Variants in ADCY9 observed in about 807,000 individuals in gnomAD.
ADCY9 encodes the protein adenylate cyclase type 9.
In ADCY9, 50 loss-of-function variants were observed where a neutral mutation model predicts 101.5. The ratio of observed to expected loss-of-function variants is 0.49; its 90% CI spans 0.39 to 0.62. ADCY9 has a LOEUF of 0.62. Ranked by LOEUF, ADCY9 falls within the 20% of genes least tolerant of loss-of-function variation. The probability of loss-of-function intolerance (pLI) is 0.00; values close to 1 mark genes in which losing one functional copy is unlikely to be tolerated. For missense variants in ADCY9, 1,662 were observed against 1,800.4 expected (o/e 0.92, Z 1.39); for synonymous variants, 905 against 769.3 (o/e 1.18, Z -2.92).
In ADCY9 at chr16:3,965,973, C is replaced by T; in HGVS notation, c.3864G>A (p.Val1288=). Residue 1288 remains valine, a synonymous_variant, in exon 11 of 11, where the codon GTG becomes GTA. Transcript: ENST00000294016. The part of the protein sequence containing the change: ...IANLVPSVQY[V]DKTSLGSDSS... ...TGTCAGAACCCAGAGATGTCTTGTCCACATACTGGACAGAAGGCACCAGGT... is the reference window on the plus strand; with the variant it reads ...TGTCAGAACCCAGAGATGTCTTGTCTACATACTGGACAGAAGGCACCAGGT... 6.2e-7 allele frequency: 1 copy of T among 1,614,192 alleles called. No homozygotes were observed. The highest frequency in any genetic ancestry group is 1.1e-5 in the South Asian group (1 of 91,086).
chr16:3,980,610 C>T (rs548002144), intron 7 of ADCY9, among the ~76,000 whole-genome samples: 55 of 152,326 alleles, frequency 3.6e-4, no homozygotes, highest in African/African-American at 1.2e-3. Context: ...CTCTTGGCTG[C>T]GTGGTGTGGC....
In ADCY9 at chr16:4,004,369, C is replaced by A. The variant is rs990337243; in HGVS notation, c.1884+2999G>T. The stretch of plus-strand genomic sequence containing the variant: ...ACATCACTATCATTTCCTGGTAGGT[C>A]GTTACAGTACACAGGTTATGTTACA... On this transcript the variant is annotated intron_variant, in intron 3 of 10. Coordinates refer to ENST00000294016, the MANE Select transcript of ADCY9 (RefSeq NM_001116.4). Among the ~76,000 whole-genome samples the A allele has an allele frequency of 4.0e-5, 6 of 151,538 alleles. No individual in the cohort carries two copies. In the South Asian group the frequency reaches 1.0e-3, roughly 26 times the overall value.
chr16:4,000,491 G>A (rs1291993774), intron 3 of ADCY9, among the ~76,000 whole-genome samples: 6 of 152,194 alleles, frequency 3.9e-5, no homozygotes, highest in Admixed American at 3.9e-4. Context: ...GAGTATTTCT[G>A]CTAATGCAAC....
intron 2 of ADCY9, among the ~76,000 whole-genome samples, chr16:4,087,543 TAAAAAAAAA>T (rs55706713): frequency 2.5e-5 from 3 of 118,194 alleles, no homozygotes; most frequent in African/African-American, 9.7e-5. Context: ...CTCAAAAAGA[TAAAAAAAAA>T]AAAAAAAAAA....
At chr16:4,074,222 G>T (rs940980903) in intron 2 of ADCY9, among the ~76,000 whole-genome samples, 1 of 151,960 alleles carries the variant, frequency 6.6e-6, no homozygotes, top group East Asian at 1.9e-4. Context: ...GGTTCTCATA[G>T]AACCTTGTAG....
At chr16:3,987,382 T>A (rs376688625) in intron 6 of ADCY9, among the ~76,000 whole-genome samples, 1 of 152,328 alleles carries the variant, frequency 6.6e-6, no homozygotes, top group South Asian at 2.1e-4. Context: ...GGCTCAGCAG[T>A]GCAGGGCGAG....
At chr16:4,077,659 TTA>T (rs1239483198) in intron 2 of ADCY9, among the ~76,000 whole-genome samples, 11 of 152,108 alleles carry the variant, frequency 7.2e-5, no homozygotes, top group African/African-American at 2.4e-4. Context: ...GATTTTAAAT[TTA>T]TATGATTTTC....
intron 5 of ADCY9, among the ~76,000 whole-genome samples, chr16:3,991,566 G>A (rs1345843699): frequency 6.6e-6 from 1 of 152,010 alleles, no homozygotes; most frequent in Non-Finnish European, 1.5e-5. Context: ...TTCGAGACCC[G>A]CCTGGCCAAC....
chr16:4,106,028 C>T (rs953628358), intron 2 of ADCY9, among the ~76,000 whole-genome samples: 7 of 152,166 alleles, frequency 4.6e-5, no homozygotes, highest in African/African-American at 2.4e-5. Context: ...CCTCCACTGC[C>T]ACCAGCAGCC....
chr16:4,111,064 A>G (rs1388017765), intron 2 of ADCY9, among the ~76,000 whole-genome samples: 1 of 152,226 alleles, frequency 6.6e-6, no homozygotes, highest in Non-Finnish European at 1.5e-5. Context: ...AGAGTGAAGG[A>G]ATGTGCAGAA....
At chr16:4,102,207 T>A (rs1157434271) in intron 2 of ADCY9, among the ~76,000 whole-genome samples, 7 of 152,152 alleles carry the variant, frequency 4.6e-5, no homozygotes, top group Non-Finnish European at 1.0e-4. Context: ...TCTTGCATTA[T>A]CCCAGTTGAT....
rs763398960 is a variant in ADCY9, at chr16:3,966,903, G to C, written c.2934C>G (p.Ile978Met). 1.2e-6 allele frequency: 2 copies of C among 1,613,938 alleles called. No individual in the cohort carries two copies. Among genetic ancestry groups the C allele is most frequent in the Non-Finnish European group, 1.7e-6 (2 of 1,180,060 alleles). The change falls in exon 11 of 11, where the codon ATC (isoleucine) becomes ATG (methionine). Residue 978 changes from isoleucine to methionine, a missense_variant. By Grantham distance (10) the Ile-to-Met change is conservative. Coordinates refer to ENST00000294016, the MANE Select transcript of ADCY9 (RefSeq NM_001116.4). Reference sequence around the variant, plus strand: ...AGAAGACGAGAACCACCTCCTGGCCGATGAGGCTGGCGGGCCGCCGGAGGT... The same window carrying C: ...AGAAGACGAGAACCACCTCCTGGCCCATGAGGCTGGCGGGCCGCCGGAGGT... ...PRDLRRPASL[I>M]GQEVVLVFFL...
chr16:4,059,784 G>A (rs151077393), intron 2 of ADCY9, among the ~76,000 whole-genome samples: 151 of 152,312 alleles, frequency 9.9e-4, no homozygotes, highest in Non-Finnish European at 1.7e-3. Flanking sequence ...TGTAGTCTCA[G>A]CCACTCAGGA....
At position 4,008,853 on chromosome 16, in the gene ADCY9, G is replaced by A. The variant is rs553150360; in HGVS notation, c.1694-1295C>T. Reference sequence around the variant, plus strand: ...TGTGAGCCACTGCACCCGGTCGCAGGGACCCTTCTTGAAGGGTTTAAGCTC... The same window carrying A: ...TGTGAGCCACTGCACCCGGTCGCAGAGACCCTTCTTGAAGGGTTTAAGCTC... On this transcript the variant is annotated intron_variant, in intron 2 of 10. Transcript: ENST00000294016. 6.6e-5 allele frequency among the ~76,000 whole-genome samples: 10 copies of A among 152,276 alleles called. 1 individual carries two copies. The South Asian group carries it at 1.9e-3, about 28-fold the overall frequency.
At chr16:4,066,536 G>A (rs2056802101) in intron 2 of ADCY9, among the ~76,000 whole-genome samples, 1 of 152,022 alleles carries the variant, frequency 6.6e-6, no homozygotes, top group African/African-American at 2.4e-5. Flanking sequence ...AAAGATGCAT[G>A]TCACCACACC....
At chr16:4,044,912 C>G (rs1391414529) in intron 2 of ADCY9, among the ~76,000 whole-genome samples, 6 of 152,184 alleles carry the variant, frequency 3.9e-5, no homozygotes, top group African/African-American at 1.4e-4. Flanking sequence ...GGCCTCACAG[C>G]AACGGGCTCC....
intron 2 of ADCY9, among the ~76,000 whole-genome samples, chr16:4,023,669 T>C (rs142702928): frequency 0.11 from 16,760 of 152,192 alleles, 1,052 homozygotes; most frequent in Middle Eastern, 0.19. Context: ...TCCCAGCACT[T>C]TGGGAGGCCG....
At chr16:4,066,366 G>C (rs1215922296) in intron 2 of ADCY9, among the ~76,000 whole-genome samples, 1 of 151,930 alleles carries the variant, frequency 6.6e-6, no homozygotes, top group Non-Finnish European at 1.5e-5. Flanking sequence ...CCTCTCTCTA[G>C]TGACTGAGCA....
intron 2 of ADCY9, among the ~76,000 whole-genome samples, chr16:4,048,605 CAGAT>C (rs2056681087): frequency 1.3e-5 from 2 of 152,220 alleles, no homozygotes; most frequent in South Asian, 4.1e-4. Context: ...AAGAATCACA[CAGAT>C]AGGCCCCTCG....
Sources: gnomAD v4.1 joint callset for allele counts (sites outside exome capture counted in the v4.1 genomes callset) on GRCh38, gnomAD v4.1.1 for gene constraint, MANE v1.5 for transcripts, NCBI Gene and HGNC (gene_info 2026-07-23, HGNC 2026-07-21) for gene names.